ABCC2: variants seen among roughly 807,000 people sequenced by gnomAD.
The protein encoded by ABCC2 is ATP binding cassette subfamily C member 2, also known as ATP-binding cassette sub-family C member 2.
A neutral mutation model predicts 173.4 loss-of-function variants in ABCC2; 157 were observed. That is an observed-to-expected ratio of 0.91 (90% CI 0.80 to 1.03). ABCC2 has a LOEUF of 1.03. Among genes scored for constraint, ABCC2 ranks in the 50% least tolerant of loss-of-function variants. The probability of loss-of-function intolerance (pLI) is 0.00; values close to 1 mark genes in which losing one functional copy is unlikely to be tolerated. For missense variants in ABCC2, 1,822 were observed against 1,852.3 expected, an observed-to-expected ratio of 0.98 and a Z score of 0.30; for synonymous variants, 657 against 693.5, an observed-to-expected ratio of 0.95 and a Z score of 0.83.
At chr10:99,847,726 C>T (rs1162605867) in intron 30 of ABCC2, among the ~76,000 whole-genome samples, 2 of 152,106 alleles carry the variant, frequency 1.3e-5, no homozygotes, top group Non-Finnish European at 2.9e-5. Flanking sequence ...CAAGACCAGC[C>T]TGGCCAAGAT....
intron 17 of ABCC2, among the ~76,000 whole-genome samples, chr10:99,818,581 T>C (rs1564688398): frequency 6.6e-6 from 1 of 152,226 alleles, no homozygotes; most frequent in Non-Finnish European, 1.5e-5. Flanking sequence ...GTAAATTATC[T>C]GATAAAAAGT....
intron 31 of ABCC2, among the ~76,000 whole-genome samples, 177 bp from the exon 32 acceptor site, chr10:99,851,325 T>C (rs2039085536): frequency 1.3e-5 from 2 of 152,242 alleles, no homozygotes; most frequent in Admixed American, 1.3e-4. Flanking sequence ...TTGATTCTTT[T>C]GTTCAATATT....
At chr10:99,849,529 G>C (rs574214768) in intron 30 of ABCC2, among the ~76,000 whole-genome samples, 1 of 152,208 alleles carries the variant, frequency 6.6e-6, no homozygotes, top group Non-Finnish European at 1.5e-5. Flanking sequence ...AACCTGGCCT[G>C]GGGGACTAAA....
intron 19 of ABCC2, among the ~76,000 whole-genome samples, chr10:99,829,609 T>G (rs559829114): frequency 1.4e-3 from 218 of 152,344 alleles, no homozygotes; most frequent in African/African-American, 4.8e-3. Context: ...ATAAGTTTGT[T>G]AAATTATTTG....
chr10:99,809,925 T>C lies in ABCC2; in HGVS notation c.1816-209T>C, dbSNP rs1485175904. Among the ~76,000 whole-genome samples, 5 of 152,108 alleles carry C rather than the reference T, an allele frequency of 3.3e-5. No homozygotes were observed. The East Asian group carries it at 7.7e-4, about 23-fold the overall frequency. The stretch of plus-strand genomic sequence containing the variant: ...AGACTGGAGAGAGACAGCAGAAGAG[T>C]TGAACTCCATGAGTTTGCTCAAGGA... On this transcript the variant is annotated intron_variant, in intron 13 of 31. Coordinates refer to ENST00000647814, the MANE Select transcript of ABCC2 (RefSeq NM_000392.5).
intron 6 of ABCC2, among the ~76,000 whole-genome samples, chr10:99,796,117 C>G (rs548618669): frequency 4.6e-5 from 7 of 152,226 alleles, no homozygotes; most frequent in African/African-American, 1.7e-4. Flanking sequence ...AATCCCAGCA[C>G]CTTGGGAGGC....
At position 99,784,783 on chromosome 10, in the gene ABCC2, T is replaced by A. The variant is rs765414807; in HGVS notation, c.207+2T>A. On this transcript the variant is annotated splice_donor_variant, in intron 2 of 31. Transcript: ENST00000647814. LOFTEE classifies it high-confidence loss of function. The stretch of plus-strand genomic sequence containing the variant: ...ACCAAACTCTATCTTGCTAAGCAGG[T>A]AAAGTTAACACCACTGTTTCTGAAC... 6.2e-7 allele frequency: 1 copy of A among 1,613,950 alleles called. No individual in the cohort carries two copies. Among genetic ancestry groups the A allele is most frequent in the Non-Finnish European group, 8.5e-7 (1 of 1,179,900 alleles).
At chr10:99,800,302 AGT>A in intron 8 of ABCC2, 82 bp from the exon 9 acceptor site, 1 of 1,396,092 alleles carries the variant, frequency 7.2e-7, no homozygotes, top group Admixed American at 1.7e-5. Flanking sequence ...GTGTAAAGAT[AGT>A]GTAGTCTAGC....
Position 99,797,297 on chromosome 10 carries a change from A to T in ABCC2, c.833A>T (p.Lys278Met). The T allele has an allele frequency of 6.2e-7, 1 of 1,613,764 alleles. No individual in the cohort carries two copies. Among genetic ancestry groups the T allele is most frequent in the Non-Finnish European group, 8.5e-7 (1 of 1,179,872 alleles). Residue 278 changes from lysine (K) to methionine (M), a missense_variant, in exon 7 of 32, where the codon AAG (lysine) becomes ATG (methionine). Lys to Met is a moderately conservative substitution (Grantham distance 95). Transcript: ENST00000647814. ...GGAGCCAGGCTGCCTGGCTTGAACA[A>T]GAATCAGAGTCAAAGCCAAGATGCC... The part of the protein sequence containing the change: ...NSGARLPGLN[K>M]NQSQSQDALV...
chr10:99,802,963 T>C (rs1436202701), intron 9 of ABCC2, among the ~76,000 whole-genome samples: 2 of 152,170 alleles, frequency 1.3e-5, no homozygotes, highest in Admixed American at 1.3e-4. Context: ...AAGTCTTTTA[T>C]TTTATTTTAT....
intron 17 of ABCC2, among the ~76,000 whole-genome samples, chr10:99,817,830 T>C (rs1358177867): frequency 1.3e-5 from 2 of 152,254 alleles, no homozygotes; most frequent in Non-Finnish European, 2.9e-5. Context: ...ATTCTACTTC[T>C]GTATCAGTGA....
chr10:99,829,745 GCCTCC>G (rs1415046933), intron 19 of ABCC2, among the ~76,000 whole-genome samples: 1 of 151,964 alleles, frequency 6.6e-6, no homozygotes, highest in Non-Finnish European at 1.5e-5. Flanking sequence ...TCTCACCTCA[GCCTCC>G]CAAGTAGCTG....
At position 99,814,630 on chromosome 10, in the gene ABCC2, T is replaced by C. The variant is rs201412381; in HGVS notation, c.2094+1486T>C. Among the ~76,000 whole-genome samples, 362 of 94,494 alleles carry C rather than the reference T, an allele frequency of 3.8e-3. 38 individuals carry two copies. The highest frequency in any genetic ancestry group is 7.3e-3 in the African/African-American group (173 of 23,716). The allele number at this position is 94,494 out of a possible 152,430, so 62.0% of individuals were successfully genotyped here. A position where few individuals can be genotyped will look rare whatever the true frequency, so the allele number is the denominator to read the frequency against. The stretch of plus-strand genomic sequence containing the variant: ...ATGTGTATATACACATATACACACA[T>C]ATGTGTATATACACATATACACACA... On this transcript the variant is annotated intron_variant, in intron 16 of 31. Coordinates refer to ENST00000647814, the MANE Select transcript of ABCC2 (RefSeq NM_000392.5).
At chr10:99,795,993 C>T (rs2037905450) in intron 6 of ABCC2, among the ~76,000 whole-genome samples, 1 of 152,008 alleles carries the variant, frequency 6.6e-6, no homozygotes, top group Admixed American at 6.6e-5. Context: ...CAGAGAAAGA[C>T]CATGTCTCTA....
At chr10:99,832,634 T>C (rs570058884) in intron 23 of ABCC2, among the ~76,000 whole-genome samples, 140 of 152,252 alleles carry the variant, frequency 9.2e-4, no homozygotes, top group African/African-American at 3.2e-3. Context: ...ATACAAGAGA[T>C]AGTAGGATAA....
In ABCC2 at chr10:99,805,409, C is replaced by A. The variant is rs754633636; in HGVS notation, c.1492C>A (p.Arg498Ser). The change falls in exon 11 of 32, where the codon CGT becomes AGT. Residue 498 changes from arginine to serine, a missense_variant. Coordinates refer to ENST00000647814, the MANE Select transcript of ABCC2 (RefSeq NM_000392.5). ...QVKNMKNKDK[R>S]LKIMNEILSG... ...CAAAAATATGAAGAATAAAGACAAA[C>A]GTTTAAAGATCATGAATGAGATTCT... The A allele has an allele frequency of 1.2e-6, 2 of 1,613,780 alleles. No individual in the cohort carries two copies. The highest frequency in any genetic ancestry group is 2.2e-5 in the East Asian group (1 of 44,868).
At chr10:99,788,553 T>G (rs1343667647) in intron 2 of ABCC2, 5 of 152,480 alleles carry the variant, frequency 3.3e-5, no homozygotes, top group Admixed American at 1.3e-4. Context: ...AGTTAATATA[T>G]TCATCTCCAC....
At chr10:99,812,334 G>A (rs747246217) in intron 15 of ABCC2, among the ~76,000 whole-genome samples, 13 of 152,140 alleles carry the variant, frequency 8.5e-5, no homozygotes, top group Non-Finnish European at 1.3e-4. Flanking sequence ...ACTGTTATAG[G>A]TCTGGAAGAA....
intron 9 of ABCC2, 40 bp from the exon 10 acceptor site, chr10:99,803,979 G>A (rs758414384): frequency 6.2e-7 from 1 of 1,613,562 alleles, no homozygotes; most frequent in East Asian, 2.2e-5. Context: ...TAGTATCCTT[G>A]GCTTTGTCCA....
Sources: allele counts gnomAD v4.1 joint callset (sites outside exome capture counted in the v4.1 genomes callset), GRCh38; gene constraint gnomAD v4.1.1; transcripts MANE v1.5; gene names NCBI Gene and HGNC (gene_info 2026-07-23, HGNC 2026-07-21).